BRI3: variants seen among roughly 807,000 people sequenced by gnomAD.
BRI3 encodes brain protein I3.
In BRI3, 6 loss-of-function variants were observed where a neutral mutation model predicts 12.8. That is an observed-to-expected ratio of 0.47 (90% CI 0.26 to 0.93). BRI3 has a LOEUF of 0.93. BRI3 is among the 40% of genes least tolerant of loss of function. The pLI is 0.15. For synonymous variants in BRI3, 91 were observed against 76.1 expected, an observed-to-expected ratio of 1.20 and a Z score of -1.02; for missense variants, 134 against 171.1, an observed-to-expected ratio of 0.78 and a Z score of 1.21.
exon 2 of BRI3, chr7:98,309,306 C>T (rs1985593): frequency 0.25 from 37,333 of 151,988 alleles, 4,900 homozygotes; most frequent in East Asian, 0.45. Flanking sequence ...AGGCGCGTGC[C>T]ACCATGCTCG....
chr7:98,292,885 G>T (rs1012360248), downstream of BRI3: 210 of 1,436,714 alleles, frequency 1.5e-4, no homozygotes, highest in Non-Finnish European at 6.9e-5. Context: ...AGGAGATTTC[G>T]TCGAGTGCTA....
At chr7:98,322,432 A>C in the BRI3 span, among the ~76,000 whole-genome samples, 1 of 152,066 alleles carries the variant, frequency 6.6e-6, no homozygotes, top group Non-Finnish European at 1.5e-5. Flanking sequence ...TCCAGCTCTC[A>C]GCTGCCAGCC....
At chr7:98,318,519 T>C in the BRI3 span, among the ~76,000 whole-genome samples, 1 of 151,956 alleles carries the variant, frequency 6.6e-6, no homozygotes, top group Non-Finnish European at 1.5e-5. Context: ...TGACCTTGGA[T>C]CCACCCGCCT....
At chr7:98,283,253 A>C (rs1311030097) in intron 2 of BRI3, among the ~76,000 whole-genome samples, 2 of 152,024 alleles carry the variant, frequency 1.3e-5, no homozygotes, top group Non-Finnish European at 2.9e-5. Context: ...GAAGCCACTG[A>C]GATGGAATTA....
chr7:98,291,693 TATTTAC>T (rs1245063707), downstream of BRI3: 1 of 257,656 alleles, frequency 3.9e-6, no homozygotes, highest in African/African-American at 2.3e-5. Flanking sequence ...AATCCCTTGA[TATTTAC>T]AGAGCAGGCA....
At chr7:98,312,764 G>A (rs998886008), downstream of BRI3, among the ~76,000 whole-genome samples, 1 of 152,202 alleles carries the variant, frequency 6.6e-6, no homozygotes, top group Admixed American at 6.5e-5. Flanking sequence ...GGGACTGGGT[G>A]AGTGGTGGGC....
chr7:98,301,475 G>GTATAAA (rs1554409906), intron 1 of BRI3, among the ~76,000 whole-genome samples: 1 of 142,298 alleles, frequency 7.0e-6, no homozygotes, highest in Non-Finnish European at 1.5e-5. Flanking sequence ...TTTTTTTTTG[G>GTATAAA]TATATATATA....
At chr7:98,322,723 C>G in the BRI3 span, 1 of 152,308 alleles carries the variant, frequency 6.6e-6, no homozygotes, top group Non-Finnish European at 1.5e-5. Flanking sequence ...TCATGCCTGC[C>G]CAACCCCAAT....
At chr7:98,283,742 C>T (rs1186539937) in intron 2 of BRI3, among the ~76,000 whole-genome samples, 1 of 152,208 alleles carries the variant, frequency 6.6e-6, no homozygotes, top group Admixed American at 6.5e-5. Context: ...GGTTCCGGTC[C>T]TGGTCCTGCC....
chr7:98,319,055 G>C, the BRI3 span, among the ~76,000 whole-genome samples: 28 of 152,056 alleles, frequency 1.8e-4, no homozygotes, highest in Non-Finnish European at 4.0e-4. Context: ...GCAGCTGTCC[G>C]GGTCCTGTGG....
chr7:98,294,122 G>A (rs779616120), downstream of BRI3: 8 of 1,613,702 alleles, frequency 5.0e-6, no homozygotes, highest in South Asian at 8.8e-5. Flanking sequence ...CTGTGAGAAA[G>A]ATAAAGAAGT....
At position 98,291,470 on chromosome 7, in the gene BRI3, T is replaced by C. The variant is rs1033489475; in HGVS notation, c.*227T>C. ...AGCACTGCTTTTATTTTTTGCAGTCTTCAATTTGAGAAAGGTGAGAAATAA... is the reference window on the plus strand; with the variant it reads ...AGCACTGCTTTTATTTTTTGCAGTCCTCAATTTGAGAAAGGTGAGAAATAA... On this transcript the variant is annotated 3_prime_UTR_variant, in exon 3 of 3. Coordinates refer to ENST00000297290, the MANE Select transcript of BRI3 (RefSeq NM_015379.5). 3 of 1,358,264 alleles carry C rather than the reference T, an allele frequency of 2.2e-6. No individual in the cohort carries two copies. In the African/African-American group the frequency reaches 4.4e-5, roughly 20 times the overall value. The allele number at this position is 1,358,264 out of a possible 1,614,324, so 84.1% of individuals were successfully genotyped here.
At chr7:98,289,520 CCT>C (rs1422225629) in intron 2 of BRI3, among the ~76,000 whole-genome samples, 3 of 152,240 alleles carry the variant, frequency 2.0e-5, no homozygotes, top group Non-Finnish European at 4.4e-5. Context: ...GTCATGCTTC[CCT>C]GTCGCAGGCA....
chr7:98,319,054 C>A, the BRI3 span, among the ~76,000 whole-genome samples: 1 of 152,050 alleles, frequency 6.6e-6, no homozygotes, highest in Non-Finnish European at 1.5e-5. Flanking sequence ...AGCAGCTGTC[C>A]GGGTCCTGTG....
intron 1 of BRI3, among the ~76,000 whole-genome samples, chr7:98,299,655 C>G (rs1311637151): frequency 6.6e-6 from 1 of 152,236 alleles, no homozygotes; most frequent in African/African-American, 2.4e-5. Flanking sequence ...CCGTGCCCAG[C>G]TAGAGCAAGT....
At chr7:98,310,593 C>T, downstream of BRI3, 1 of 1,562,422 alleles carries the variant, frequency 6.4e-7, no homozygotes, top group Non-Finnish European at 8.6e-7. Flanking sequence ...CTTTCCTAAC[C>T]TGTGAAAAAT....
chr7:98,322,377 G>C, the BRI3 span, among the ~76,000 whole-genome samples: 1 of 152,018 alleles, frequency 6.6e-6, no homozygotes, highest in Non-Finnish European at 1.5e-5. Context: ...CCTCATCCTC[G>C]ACATGTCTCA....
chr7:98,296,733 C>G (rs1051546894), downstream of BRI3, among the ~76,000 whole-genome samples: 3 of 152,256 alleles, frequency 2.0e-5, no homozygotes, highest in Non-Finnish European at 2.9e-5. Context: ...TCTCAGGGAC[C>G]TGAAACCCCA....
intron 2 of BRI3, chr7:98,282,660 G>C: frequency 7.2e-6 from 4 of 553,186 alleles, no homozygotes; most frequent in Non-Finnish European, 1.3e-5. Context: ...AACACATTTT[G>C]TGGGGGCAAA....
Sources: gnomAD v4.1 joint callset for allele counts (sites outside exome capture counted in the v4.1 genomes callset) on GRCh38, gnomAD v4.1.1 for gene constraint, MANE v1.5 for transcripts, NCBI Gene and HGNC (gene_info 2026-07-23, HGNC 2026-07-21) for gene names.